Variants in SENP5 observed in about 807,000 individuals in gnomAD.
SENP5 encodes the protein sentrin-specific protease 5.
In SENP5, 21 loss-of-function variants were observed where a neutral mutation model predicts 74.2. The observed-to-expected ratio is 0.28, with a 90% CI of 0.20 to 0.41. The LOEUF (loss-of-function observed/expected upper bound fraction) is 0.41. SENP5 is among the 10% of genes least tolerant of loss of function. The pLI is 1.00. For missense variants in SENP5, 717 were observed against 889.1 expected, an observed-to-expected ratio of 0.81 and a Z score of 2.46; for synonymous variants, 311 against 312.7, an observed-to-expected ratio of 0.99 and a Z score of 0.06.
At chr3:196,882,720 T>C (rs969781804) in intron 1 of SENP5, among the ~76,000 whole-genome samples, 11 of 152,084 alleles carry the variant, frequency 7.2e-5, no homozygotes, top group Admixed American at 5.9e-4. Flanking sequence ...GCCAGGCTGG[T>C]CTCGAACTCC....
chr3:196,910,588 C>T (rs897944655), intron 6 of SENP5, among the ~76,000 whole-genome samples: 11 of 151,860 alleles, frequency 7.2e-5, no homozygotes, highest in Admixed American at 5.3e-4. Flanking sequence ...CCTCGTGATC[C>T]GCCTGCCTCG....
rs548270594 is a variant in SENP5, at chr3:196,885,708, G to C, written c.527G>C (p.Ser176Thr). ...ATGAAGTTCAATGGGGAGAGCCAAA[G>C]TCCAGGTGAGAGTGGCACGATTGTG... ...FPMKFNGESQ[S>T]PGESGTIVVT... Residue 176 changes from serine to threonine, a missense_variant, in exon 2 of 10, where the codon AGT (serine) becomes ACT (threonine). Physicochemically the swap from Ser to Thr is moderately conservative, Grantham distance 58 (BLOSUM62 1). This residue lies in a region of SENP5 where 567 missense variants were observed against 577.4 expected (regional missense o/e 0.98). Transcript: ENST00000323460. The C allele has an allele frequency of 6.2e-7, 1 of 1,614,218 alleles. No homozygotes were observed.
At chr3:196,929,301 C>T (rs764310176) in intron 8 of SENP5, 3 of 254,552 alleles carry the variant, frequency 1.2e-5, no homozygotes, top group South Asian at 4.9e-5. Flanking sequence ...CTTTGTTCTC[C>T]CAGGCACAGT....
intron 1 of SENP5, among the ~76,000 whole-genome samples, chr3:196,868,882 G>GTTTTTTTTTTGTTTGC (rs772189548): frequency 6.7e-6 from 1 of 148,924 alleles, no homozygotes; most frequent in African/African-American, 2.5e-5. Flanking sequence ...TCCTACTTAT[G>GTTTTTTTTTTGTTTGC]TTTTTTTTTT....
intron 1 of SENP5, among the ~76,000 whole-genome samples, chr3:196,870,029 C>T (rs1713142666): frequency 1.3e-5 from 2 of 152,156 alleles, no homozygotes; most frequent in African/African-American, 2.4e-5. Flanking sequence ...AGCCAGCTTC[C>T]TATGGAGCTC....
intron 1 of SENP5, among the ~76,000 whole-genome samples, chr3:196,881,199 CA>C (rs1713713184): frequency 6.6e-6 from 1 of 152,140 alleles, no homozygotes; most frequent in Non-Finnish European, 1.5e-5. Flanking sequence ...CCACCCATCT[CA>C]GCCTCCCAAA....
chr3:196,926,425 C>G (rs1249318848), intron 7 of SENP5, among the ~76,000 whole-genome samples: 1 of 148,388 alleles, frequency 6.7e-6, no homozygotes, highest in African/African-American at 2.5e-5. Flanking sequence ...GAGGTTGCAG[C>G]GAGCCGAGAT....
intron 6 of SENP5, among the ~76,000 whole-genome samples, chr3:196,911,147 A>T (rs1647756500): frequency 6.6e-6 from 1 of 152,236 alleles, no homozygotes; most frequent in South Asian, 2.1e-4. Context: ...ACCATTCAGG[A>T]CATAGGCGTG....
At chr3:196,869,221 G>T (rs961127981) in intron 1 of SENP5, among the ~76,000 whole-genome samples, 2 of 151,716 alleles carry the variant, frequency 1.3e-5, no homozygotes, top group African/African-American at 4.8e-5. Context: ...TTGGAGGGGG[G>T]ACAGGGTCTC....
chr3:196,877,843 T>G (rs1448471578), intron 1 of SENP5, among the ~76,000 whole-genome samples: 1 of 152,206 alleles, frequency 6.6e-6, no homozygotes, highest in Non-Finnish European at 1.5e-5. Context: ...TGTATATGCT[T>G]TTAGACATTT....
intron 1 of SENP5, among the ~76,000 whole-genome samples, chr3:196,868,966 G>A (rs909612252): frequency 1.3e-5 from 2 of 151,784 alleles, no homozygotes; most frequent in Admixed American, 6.6e-5. Context: ...TGTGGTCAGA[G>A]CCTAACTGCA....
At chr3:196,913,267 A>G (rs563982693) in intron 6 of SENP5, 2 of 152,324 alleles carry the variant, frequency 1.3e-5, no homozygotes, top group East Asian at 3.9e-4. Flanking sequence ...ATTTGTAAAA[A>G]TTGAACATGT....
chr3:196,877,439 C>T (rs1412692549), intron 1 of SENP5, among the ~76,000 whole-genome samples: 1 of 152,198 alleles, frequency 6.6e-6, no homozygotes, highest in Admixed American at 6.5e-5. Context: ...CCCTGCTCGA[C>T]CTTCAAAAGT....
chr3:196,896,453 G>C (rs1176437282), intron 2 of SENP5, among the ~76,000 whole-genome samples: 1 of 85,100 alleles, frequency 1.2e-5, no homozygotes, highest in East Asian at 2.1e-4. Context: ...TTGATTGACT[G>C]GTTGATTGAT....
chr3:196,880,638 C>CTTTTTTTTTTT (rs56188124), intron 1 of SENP5, among the ~76,000 whole-genome samples: 1 of 101,936 alleles, frequency 9.8e-6, no homozygotes, highest in Non-Finnish European at 1.9e-5. Context: ...GCCAGTTATT[C>CTTTTTTTTTTT]TTTTTTTTTT....
chr3:196,914,582 A>ATATATATATATAT (rs1217677663), intron 6 of SENP5: 13 of 65,888 alleles, frequency 2.0e-4, no homozygotes, highest in African/African-American at 6.3e-4. Context: ...AAAAAAAAAA[A>ATATATATATATAT]AAAAATATAT....
intron 6 of SENP5, among the ~76,000 whole-genome samples, chr3:196,908,981 G>A (rs770478915): frequency 3.9e-5 from 6 of 152,120 alleles, no homozygotes; most frequent in Non-Finnish European, 7.4e-5. Flanking sequence ...CCAGGAGCTG[G>A]ATTTTTTGAA....
At chr3:196,889,160 TAGAA>T (rs1714102012) in intron 2 of SENP5, among the ~76,000 whole-genome samples, 2 of 150,696 alleles carry the variant, frequency 1.3e-5, no homozygotes, top group South Asian at 4.2e-4. Flanking sequence ...TTCTTCCTCA[TAGAA>T]AGACACAAAG....
chr3:196,914,586 A>AAAAAAAAAAAAAAAATATATAT, intron 6 of SENP5: 10 of 33,488 alleles, frequency 3.0e-4, no homozygotes, highest in Admixed American at 6.3e-4. Flanking sequence ...AAAAAAAAAA[A>AAAAAAAAAAAAAAAATATATAT]ATATATATAT....
Sources: gnomAD v4.1 joint callset for allele counts (sites outside exome capture counted in the v4.1 genomes callset) on GRCh38, gnomAD v4.1.1 for gene constraint, gnomAD v4.1.1 regional missense constraint, MANE v1.5 for transcripts, NCBI Gene and HGNC (gene_info 2026-07-23, HGNC 2026-07-21) for gene names.